The following AFF3 variants were observed in gnomAD, a reference collection of about 807,000 sequenced individuals.
AFF3 encodes AF4/FMR2 family member 3.
In AFF3, 32 loss-of-function variants were observed where a neutral mutation model predicts 129.7. The ratio of observed to expected loss-of-function variants is 0.25; its 90% CI spans 0.19 to 0.33. AFF3 has a LOEUF of 0.33. Among genes scored for constraint, AFF3 ranks in the 10% least tolerant of loss-of-function variants. AFF3 has a pLI of 1.00. For missense variants in AFF3, 1,373 were observed against 1,592.0 expected (o/e 0.86, Z 2.34); for synonymous variants, 644 against 635.4 (o/e 1.01, Z -0.20).
intron 11 of AFF3, among the ~76,000 whole-genome samples, chr2:99,694,729 C>T (rs1382749741): frequency 1.3e-5 from 2 of 152,106 alleles, no homozygotes; most frequent in African/African-American, 2.4e-5. Context: ...TGTTTTGAGA[C>T]GGAGTCTTGC....
intron 7 of AFF3, among the ~76,000 whole-genome samples, chr2:99,947,601 A>AAGAAAGATAGATAGAT (rs765008346): frequency 7.3e-5 from 10 of 136,600 alleles, no homozygotes; most frequent in East Asian, 6.9e-4. Flanking sequence ...GAAAGAAAGA[A>AAGAAAGATAGATAGAT]AGATAGATAG....
intron 12 of AFF3, among the ~76,000 whole-genome samples, chr2:99,670,396 TC>T (rs1234316047): frequency 6.7e-6 from 1 of 149,696 alleles, no homozygotes; most frequent in African/African-American, 2.5e-5. Context: ...TAAGGATTTT[TC>T]ATACACTGTA....
chr2:99,627,092 A>G (rs1682655713), intron 13 of AFF3, among the ~76,000 whole-genome samples: 1 of 152,216 alleles, frequency 6.6e-6, no homozygotes, highest in African/African-American at 2.4e-5. Context: ...TTGGGTATAT[A>G]TCCAGTAATG....
At chr2:99,621,731 AG>A (rs979332556) in intron 13 of AFF3, among the ~76,000 whole-genome samples, 12 of 152,198 alleles carry the variant, frequency 7.9e-5, no homozygotes, top group Non-Finnish European at 1.6e-4. Context: ...TTGAGAGGCC[AG>A]GGGGAAGAAC....
intron 11 of AFF3, among the ~76,000 whole-genome samples, chr2:99,673,174 C>T (rs1235409072): frequency 1.3e-5 from 2 of 151,842 alleles, no homozygotes; most frequent in Non-Finnish European, 2.9e-5. Flanking sequence ...GCCCCAGGGG[C>T]TTTCATGGTA....
At chr2:99,723,188 C>G (rs532839296) in intron 11 of AFF3, among the ~76,000 whole-genome samples, 1 of 152,254 alleles carries the variant, frequency 6.6e-6, no homozygotes, top group East Asian at 1.9e-4. Context: ...TAAATCGCTC[C>G]TTTCATTGCC....
chr2:99,700,144 G>T (rs536353466), intron 11 of AFF3, among the ~76,000 whole-genome samples: 2 of 147,378 alleles, frequency 1.4e-5, no homozygotes, highest in Non-Finnish European at 3.0e-5. Context: ...TTTTTGAGAC[G>T]AAGTCTCGCT....
chr2:99,661,067 A>C (rs895259868), intron 12 of AFF3, among the ~76,000 whole-genome samples: 2 of 152,206 alleles, frequency 1.3e-5, no homozygotes, highest in African/African-American at 2.4e-5. Context: ...GACACTGCCC[A>C]TGCCTGGAAA....
intron 11 of AFF3, among the ~76,000 whole-genome samples, chr2:99,709,823 G>A (rs986351722): frequency 5.3e-5 from 8 of 152,084 alleles, no homozygotes; most frequent in African/African-American, 7.2e-5. Context: ...CCAATTAATC[G>A]AACTTGATCG....
At chr2:99,791,516 G>T (rs962049973) in intron 8 of AFF3, among the ~76,000 whole-genome samples, 1 of 152,184 alleles carries the variant, frequency 6.6e-6, no homozygotes, top group Non-Finnish European at 1.5e-5. Context: ...TTGATCTGCG[G>T]TTCATTTAAC....
At chr2:99,852,618 C>T (rs1385675841) in intron 7 of AFF3, among the ~76,000 whole-genome samples, 3 of 152,190 alleles carry the variant, frequency 2.0e-5, no homozygotes, top group African/African-American at 4.8e-5. Context: ...GAGCAAAACC[C>T]GTAGGGCCTA....
At chr2:99,719,581 T>C (rs1305308132) in intron 11 of AFF3, among the ~76,000 whole-genome samples, 6 of 152,202 alleles carry the variant, frequency 3.9e-5, no homozygotes, top group South Asian at 2.1e-4. Flanking sequence ...AAAGTTTTCA[T>C]AGAATTTACC....
At chr2:100,129,756 A>C (rs1377113418) in intron 1 of AFF3, among the ~76,000 whole-genome samples, 6 of 152,222 alleles carry the variant, frequency 3.9e-5, no homozygotes, top group Non-Finnish European at 7.3e-5. Context: ...ATACAGCTTC[A>C]ATAAATCCTC....
rs1260117547 is a variant in AFF3, at chr2:99,847,372, C to T, written c.874-9848G>A. On this transcript the variant is annotated intron_variant, in intron 7 of 24. Transcript: ENST00000672756. ...TGTATTTTCAGGAGAAACGGGGTTT[C>T]GCCATGTTGGCCAGGCTGGTCTCGA... 4.0e-5 allele frequency among the ~76,000 whole-genome samples: 6 copies of T among 151,720 alleles called. No homozygotes were observed. The East Asian group carries it at 1.0e-3, about 25-fold the overall frequency.
At chr2:99,586,348 T>C (rs991805141) in intron 16 of AFF3, among the ~76,000 whole-genome samples, 5 of 152,176 alleles carry the variant, frequency 3.3e-5, no homozygotes, top group Non-Finnish European at 5.9e-5. Context: ...TGTGCCTGTG[T>C]GTGTGCACCC....
At chr2:99,776,903 G>T (rs1683947536) in intron 8 of AFF3, among the ~76,000 whole-genome samples, 1 of 152,192 alleles carries the variant, frequency 6.6e-6, no homozygotes, top group Non-Finnish European at 1.5e-5. Context: ...CTGTCTACAT[G>T]AGTTGATGAA....
At chr2:100,038,373 T>TAA (rs11397703) in intron 4 of AFF3, among the ~76,000 whole-genome samples, 8 of 143,340 alleles carry the variant, frequency 5.6e-5, no homozygotes, top group East Asian at 2.0e-4. Context: ...TTCCTCAAAT[T>TAA]AAAAAAAAAA....
chr2:100,079,552 A>G (rs1688874611), intron 4 of AFF3, among the ~76,000 whole-genome samples: 1 of 152,200 alleles, frequency 6.6e-6, no homozygotes, highest in East Asian at 1.9e-4. Context: ...TTCAACTGGT[A>G]TACACAGTTC....
chr2:99,933,741 A>T (rs1436894318), intron 7 of AFF3, among the ~76,000 whole-genome samples: 1 of 152,102 alleles, frequency 6.6e-6, no homozygotes, highest in Non-Finnish European at 1.5e-5. Flanking sequence ...TATCCAGTCT[A>T]TCATTGATGG....
Sources: allele counts gnomAD v4.1 joint callset (sites outside exome capture counted in the v4.1 genomes callset), GRCh38; gene constraint gnomAD v4.1.1; transcripts MANE v1.5; gene names NCBI Gene and HGNC (gene_info 2026-07-23, HGNC 2026-07-21).